LIMS1: variants seen among roughly 807,000 people sequenced by gnomAD.
LIMS1 encodes the protein LIM zinc finger domain containing 1.
A neutral mutation model predicts 44.1 loss-of-function variants in LIMS1; 18 were observed. The ratio of observed to expected loss-of-function variants is 0.41; its 90% CI spans 0.28 to 0.61. The LOEUF (loss-of-function observed/expected upper bound fraction) is 0.61, where lower values mean the gene tolerates loss of function less well. Among genes scored for constraint, LIMS1 ranks in the 20% least tolerant of loss-of-function variants. LIMS1 has a pLI of 0.32. For synonymous variants in LIMS1, 93 were observed against 149.1 expected, an observed-to-expected ratio of 0.62 and a Z score of 2.74; for missense variants, 201 against 422.0, an observed-to-expected ratio of 0.48 and a Z score of 4.59.
intron 2 of LIMS1, among the ~76,000 whole-genome samples, chr2:108,665,861 C>A (rs1409940660): frequency 6.6e-6 from 1 of 152,192 alleles, no homozygotes; most frequent in Non-Finnish European, 1.5e-5. Flanking sequence ...TTTTCATCCC[C>A]TGACTAATTT....
intron 1 of LIMS1, among the ~76,000 whole-genome samples, chr2:108,609,538 A>G (rs1017823544): frequency 3.3e-5 from 5 of 151,924 alleles, no homozygotes; most frequent in African/African-American, 1.2e-4. Context: ...CCACCTTCCC[A>G]TGCCTTTGCA....
chr2:108,645,904 G>A (rs138854552), intron 1 of LIMS1, among the ~76,000 whole-genome samples: 162 of 151,958 alleles, frequency 1.1e-3, no homozygotes, highest in African/African-American at 3.7e-3. Flanking sequence ...ACAAAGAAGG[G>A]CATTACATAA....
intron 1 of LIMS1, among the ~76,000 whole-genome samples, chr2:108,569,227 A>T (rs1321354303): frequency 2.6e-5 from 4 of 152,062 alleles, no homozygotes; most frequent in Non-Finnish European, 4.4e-5. Context: ...TTCTTCATAT[A>T]TTCTGGATAT....
chr2:108,668,096 A>G (rs1691911808), intron 2 of LIMS1, among the ~76,000 whole-genome samples: 2 of 152,170 alleles, frequency 1.3e-5, no homozygotes, highest in African/African-American at 4.8e-5. Flanking sequence ...AATTACACAC[A>G]TGGGGCACAG....
intron 1 of LIMS1, among the ~76,000 whole-genome samples, chr2:108,642,991 G>A (rs187530311): frequency 6.6e-6 from 1 of 152,208 alleles, no homozygotes; most frequent in African/African-American, 2.4e-5. Context: ...ATTTGCCGCA[G>A]TAGGTCAATC....
chr2:108,543,721 GCA>G (rs2104573495), intron 1 of LIMS1, among the ~76,000 whole-genome samples: 1 of 152,310 alleles, frequency 6.6e-6, no homozygotes, highest in East Asian at 1.9e-4. Context: ...TCAGGTGAAT[GCA>G]CACTTACCTG....
chr2:108,606,213 G>C (rs557294228), intron 1 of LIMS1, among the ~76,000 whole-genome samples: 2 of 152,376 alleles, frequency 1.3e-5, no homozygotes, highest in East Asian at 3.9e-4. Context: ...ATTTTAGTTT[G>C]CAAGTTGGAG....
chr2:108,642,342 G>GTTTTTTTTTTTTTTTTTTTT lies in LIMS1; in HGVS notation c.33-17248_33-17247insTTTTTTTTTTTTTTTTTTTT, dbSNP rs764932432. 6.0e-4 allele frequency among the ~76,000 whole-genome samples: 9 copies of GTTTTTTTTTTTTTTTTTTTT among 14,982 alleles called. 1 individual carries two copies. Among genetic ancestry groups the GTTTTTTTTTTTTTTTTTTTT allele is most frequent in the African/African-American group, 1.1e-3 (8 of 7,392 alleles). The allele number at this position is 14,982 out of a possible 152,430, so 9.8% of individuals were successfully genotyped here. ...TAATTTTAAGCTACTAGTGTTTTTT[G>GTTTTTTTTTTTTTTTTTTTT]TTTTTTTTTTTTTTTGTTTTTTGTT... On this transcript the variant is annotated intron_variant, in intron 1 of 9. Transcript: ENST00000544547.
chr2:108,643,064 A>C (rs1471355633), intron 1 of LIMS1, among the ~76,000 whole-genome samples: 1 of 152,236 alleles, frequency 6.6e-6, no homozygotes, highest in African/African-American at 2.4e-5. Flanking sequence ...CTGTTTTCAT[A>C]AAGTAGAAAT....
intron 1 of LIMS1, among the ~76,000 whole-genome samples, chr2:108,607,769 G>A (rs1687355065): frequency 6.6e-6 from 1 of 152,110 alleles, no homozygotes; most frequent in South Asian, 2.1e-4. Context: ...GCATTATTTG[G>A]AAATGGATAT....
intron 1 of LIMS1, among the ~76,000 whole-genome samples, chr2:108,634,198 G>A (rs1689086733): frequency 6.6e-6 from 1 of 152,202 alleles, no homozygotes; most frequent in Non-Finnish European, 1.5e-5. Context: ...CAGGATGTCT[G>A]TAGGGGGAGG....
intron 1 of LIMS1, among the ~76,000 whole-genome samples, chr2:108,596,256 A>G: frequency 6.6e-6 from 1 of 152,218 alleles, no homozygotes; most frequent in Non-Finnish European, 1.5e-5. Flanking sequence ...CTTACAAAAG[A>G]GTGTGAGATA....
intron 2 of LIMS1, among the ~76,000 whole-genome samples, chr2:108,667,549 A>ATAT (rs1321611682): frequency 4.3e-3 from 315 of 73,430 alleles, no homozygotes; most frequent in Middle Eastern, 0.015. Flanking sequence ...AAAAAAAAAA[A>ATAT]AAATATATAT....
intron 8 of LIMS1, chr2:108,678,365 G>C (rs150951811): frequency 5.2e-6 from 2 of 381,262 alleles, no homozygotes. Context: ...ATCTGCTATC[G>C]TAGTTAGGAA....
rs542360162 is a variant in LIMS1, at chr2:108,625,642, T to C, written c.33-33963T>C. On this transcript the variant is annotated intron_variant, in intron 1 of 9. Coordinates refer to ENST00000544547, the Ensembl canonical transcript of LIMS1. The stretch of plus-strand genomic sequence containing the variant: ...TAATAGTTTAGGAGTAAAGTGAAAA[T>C]GGGAAGTTGCCACACAGCAGCAGTG... Among the ~76,000 whole-genome samples, 321 of 150,778 alleles carry C rather than the reference T, an allele frequency of 2.1e-3. 3 individuals carry two copies. Among genetic ancestry groups the C allele is most frequent in the Non-Finnish European group, 2.8e-3 (192 of 67,816 alleles).
At chr2:108,612,161 A>G (rs1330134479) in intron 1 of LIMS1, among the ~76,000 whole-genome samples, 1 of 150,764 alleles carries the variant, frequency 6.6e-6, no homozygotes, top group Admixed American at 6.7e-5. Context: ...CCTTTCTTTT[A>G]TTAGTCTCAC....
chr2:108,548,780 C>T lies in LIMS1; in HGVS notation c.32+14186C>T, dbSNP rs115614330. On this transcript the variant is annotated intron_variant, in intron 1 of 9. Coordinates refer to ENST00000544547, the Ensembl canonical transcript of LIMS1. Reference sequence around the variant, plus strand: ...ATGCTTTCTATGACGGAAGTTACGGCGATAGGTTTTGGAATGTGGAGGGTG... The same window carrying T: ...ATGCTTTCTATGACGGAAGTTACGGTGATAGGTTTTGGAATGTGGAGGGTG... Among the ~76,000 whole-genome samples the T allele has an allele frequency of 5.0e-3, 762 of 152,104 alleles. 7 individuals are homozygous for T. The highest frequency in any genetic ancestry group is 0.015 in the African/African-American group (618 of 41,488).
At chr2:108,642,601 C>T (rs180767539) in intron 1 of LIMS1, among the ~76,000 whole-genome samples, 3,035 of 152,030 alleles carry the variant, frequency 0.02, 57 homozygotes, top group African/African-American at 0.046. Flanking sequence ...CCTCGTGATC[C>T]GCCCGCCTCG....
At position 108,648,308 on chromosome 2, in the gene LIMS1, A is replaced by G. The variant is rs1482821605; in HGVS notation, c.33-11297A>G. Among the ~76,000 whole-genome samples the G allele has an allele frequency of 6.6e-5, 10 of 152,332 alleles. No individual in the cohort carries two copies. In the East Asian group the frequency reaches 1.9e-3, roughly 29 times the overall value. On this transcript the variant is annotated intron_variant, in intron 1 of 9. Transcript: ENST00000544547. ...GAACTACAAACCACTGCTCAAGGAA[A>G]TAAGAGAGGACACAAACAAATGGAA...
Sources: allele counts gnomAD v4.1 joint callset (sites outside exome capture counted in the v4.1 genomes callset), GRCh38; gene constraint gnomAD v4.1.1; transcripts MANE v1.5; gene names NCBI Gene and HGNC (gene_info 2026-07-23, HGNC 2026-07-21).